EYA2: variants seen among roughly 807,000 people sequenced by gnomAD.
EYA2 encodes EYA transcriptional coactivator and phosphatase 2, also known as protein phosphatase EYA2.
EYA2 carries 31 observed loss-of-function variants against 69.2 expected under a neutral mutation model. The ratio of observed to expected loss-of-function variants is 0.45; its 90% confidence interval spans 0.34 to 0.60. EYA2 has a LOEUF of 0.60. Among genes scored for constraint, EYA2 ranks in the 20% least tolerant of loss-of-function variants. EYA2 has a pLI of 0.02. For synonymous variants in EYA2, 257 were observed against 279.4 expected (o/e 0.92, Z 0.80); for missense variants, 622 against 701.2 (o/e 0.89, Z 1.28).
At chr20:46,900,479 C>G (rs1984045362) in intron 1 of EYA2, among the ~76,000 whole-genome samples, 4 of 152,200 alleles carry the variant, frequency 2.6e-5, no homozygotes, top group Non-Finnish European at 5.9e-5. Context: ...AGCATGCATA[C>G]TTTGGGTTTC....
chr20:46,937,384 T>C (rs141431643), intron 1 of EYA2, among the ~76,000 whole-genome samples: 2 of 152,318 alleles, frequency 1.3e-5, no homozygotes, highest in South Asian at 4.1e-4. Context: ...GTACTCACTT[T>C]TGGGTTGTTG....
intron 9 of EYA2, among the ~76,000 whole-genome samples, chr20:47,101,480 C>G (rs6018274): frequency 0.5 from 75,364 of 152,060 alleles, 21,496 homozygotes; most frequent in Non-Finnish European, 0.64. Context: ...GCCTCATCTA[C>G]CTGCAAGGGA....
At chr20:47,056,898 A>G (rs772075632) in intron 5 of EYA2, among the ~76,000 whole-genome samples, 27 of 152,028 alleles carry the variant, frequency 1.8e-4, no homozygotes, top group Non-Finnish European at 3.1e-4. Context: ...TAAAAAACTT[A>G]GCTGGGTGTG....
chr20:47,039,835 CTTTT>C (rs10689930), intron 5 of EYA2, among the ~76,000 whole-genome samples: 6 of 69,806 alleles, frequency 8.6e-5, no homozygotes, highest in Admixed American at 4.8e-4. Flanking sequence ...AGATCAAATA[CTTTT>C]TTTTTTTTTT....
chr20:46,924,616 G>A (rs1405937071), intron 1 of EYA2, among the ~76,000 whole-genome samples: 1 of 138,422 alleles, frequency 7.2e-6, no homozygotes, highest in African/African-American at 2.8e-5. Flanking sequence ...CTTGCAGTGA[G>A]CCGAAATCGC....
At chr20:47,166,882 A>C (rs75118991) in intron 10 of EYA2, 2 of 152,594 alleles carry the variant, frequency 1.3e-5, no homozygotes, top group African/African-American at 2.4e-5. Flanking sequence ...AGGCCCAGGC[A>C]GTCAGATTCC....
At chr20:47,125,781 A>T (rs2033174912) in intron 9 of EYA2, among the ~76,000 whole-genome samples, 1 of 152,150 alleles carries the variant, frequency 6.6e-6, no homozygotes, top group Non-Finnish European at 1.5e-5. Context: ...TGGCAGAGTA[A>T]TTATTTGTTC....
In EYA2 at chr20:47,031,014, A is replaced by G. The variant is rs202166853; in HGVS notation, c.415+14717A>G. Among the ~76,000 whole-genome samples the G allele has an allele frequency of 1.0e-3, 24 of 22,932 alleles. No homozygotes were observed. In the East Asian group the frequency reaches 0.031, roughly 29 times the overall value. 15.0% of individuals were successfully genotyped at this position (22,932 alleles called of 152,430 possible). A position where few individuals can be genotyped will look rare whatever the true frequency, so the allele number is the denominator to read the frequency against. On this transcript the variant is annotated intron_variant, in intron 5 of 15. Coordinates refer to ENST00000327619, the MANE Select transcript of EYA2 (RefSeq NM_005244.5). Reference sequence around the variant, plus strand: ...GGCCCTGTTTCCAAATACAGTCACAATTGGGGGTTACAGCTTCAACATAAC... The same window carrying G: ...GGCCCTGTTTCCAAATACAGTCACAGTTGGGGGTTACAGCTTCAACATAAC...
At chr20:47,055,686 G>T (rs1345664956) in intron 5 of EYA2, among the ~76,000 whole-genome samples, 1 of 152,098 alleles carries the variant, frequency 6.6e-6, no homozygotes, top group Non-Finnish European at 1.5e-5. Flanking sequence ...AGAATGTTCT[G>T]TCCCCACGTC....
intron 5 of EYA2, among the ~76,000 whole-genome samples, chr20:47,059,446 C>T (rs894113699): frequency 6.6e-6 from 1 of 152,200 alleles, no homozygotes; most frequent in Admixed American, 6.5e-5. Context: ...CTTCTGCCTC[C>T]TGGGTTCAAT....
chr20:47,089,419 A>G (rs1465372860), intron 8 of EYA2, 38 bp downstream of exon 8: 5 of 1,582,878 alleles, frequency 3.2e-6, no homozygotes, highest in East Asian at 2.2e-5. Context: ...GGTGAATGTA[A>G]TCTCCATCTG....
intron 1 of EYA2, among the ~76,000 whole-genome samples, chr20:46,918,719 A>G (rs1334757837): frequency 6.6e-6 from 1 of 152,100 alleles, no homozygotes; most frequent in Middle Eastern, 3.2e-3. Context: ...TGATATTTTT[A>G]CCTCCTCCTG....
intron 10 of EYA2, among the ~76,000 whole-genome samples, chr20:47,149,449 G>A (rs982794536): frequency 2.6e-5 from 4 of 151,856 alleles, no homozygotes; most frequent in Admixed American, 6.6e-5. Flanking sequence ...GATTGTAACG[G>A]CCCCCATCCT....
intron 5 of EYA2, among the ~76,000 whole-genome samples, chr20:47,056,970 G>A (rs926776929): frequency 2.0e-5 from 3 of 151,734 alleles, no homozygotes; most frequent in African/African-American, 2.4e-5. Flanking sequence ...GCCTGAGCCC[G>A]GGGAGGTTGA....
At chr20:47,043,744 C>T (rs1401027685) in intron 5 of EYA2, among the ~76,000 whole-genome samples, 1 of 152,182 alleles carries the variant, frequency 6.6e-6, no homozygotes, top group Non-Finnish European at 1.5e-5. Context: ...AGAAACTTTC[C>T]TGACACATAA....
chr20:46,981,064 T>C (rs1191863294), intron 1 of EYA2, among the ~76,000 whole-genome samples: 1 of 152,226 alleles, frequency 6.6e-6, no homozygotes, highest in African/African-American at 2.4e-5. Context: ...CAGAACAGGA[T>C]AAGTTCACCA....
Position 46,987,925 on chromosome 20 carries a change from T to A in EYA2, c.-10-2076T>A, listed in dbSNP as rs1043715324. Among the ~76,000 whole-genome samples the A allele has an allele frequency of 7.2e-3, 187 of 26,120 alleles. 34 individuals carry two copies. The highest frequency in any genetic ancestry group is 8.8e-3 in the Non-Finnish European group (136 of 15,540). 17.1% of individuals were successfully genotyped at this position (26,120 alleles called of 152,430 possible). On this transcript the variant is annotated intron_variant, in intron 1 of 15. Coordinates refer to ENST00000327619, the MANE Select transcript of EYA2 (RefSeq NM_005244.5). ...CTGGAAGACAGAGTAAGTCTCTCTC[T>A]CTCTCTCTCTCTCTCTCTCTCTCTC...
chr20:46,907,871 G>C (rs1174975539), intron 1 of EYA2, among the ~76,000 whole-genome samples: 1 of 145,668 alleles, frequency 6.9e-6, no homozygotes, highest in East Asian at 1.9e-4. Flanking sequence ...AACAAAGTGT[G>C]CCTGGAGCGA....
chr20:47,110,021 G>A (rs973175124), intron 9 of EYA2, among the ~76,000 whole-genome samples: 15 of 152,112 alleles, frequency 9.9e-5, no homozygotes, highest in Non-Finnish European at 1.5e-5. Context: ...CCTCAGCTCC[G>A]CATCAGCACA....
Sources: allele counts gnomAD v4.1 joint callset (sites outside exome capture counted in the v4.1 genomes callset), GRCh38; gene constraint gnomAD v4.1.1; transcripts MANE v1.5; gene names NCBI Gene and HGNC (gene_info 2026-07-23, HGNC 2026-07-21).